ROCK1: variants seen among roughly 807,000 people sequenced by gnomAD.
The protein encoded by ROCK1 is rho-associated protein kinase 1.
Under a neutral mutation model 196.8 loss-of-function variants are expected in ROCK1, and 36 were observed. The ratio of observed to expected loss-of-function variants is 0.18; its 90% CI spans 0.14 to 0.24. ROCK1 has a LOEUF of 0.24. Among genes scored for constraint, ROCK1 ranks in the 10% least tolerant of loss-of-function variants. The pLI is 1.00. For missense variants in ROCK1, 920 were observed against 1,562.0 expected, an observed-to-expected ratio of 0.59 and a Z score of 6.93; for synonymous variants, 443 against 515.9, an observed-to-expected ratio of 0.86 and a Z score of 1.91.
At chr18:21,010,503 G>T (rs559561097) in intron 13 of ROCK1, among the ~76,000 whole-genome samples, 1 of 152,092 alleles carries the variant, frequency 6.6e-6, no homozygotes, top group South Asian at 2.1e-4. Context: ...TTGACCTCTG[G>T]GTTATTTAGA....
chr18:21,110,570 T>C lies in ROCK1; in HGVS notation c.93+248A>G, dbSNP rs538089235. On this transcript the variant is annotated intron_variant, in intron 1 of 32. Coordinates refer to ENST00000399799, the MANE Select transcript of ROCK1 (RefSeq NM_005406.3). ...TGCCTGCAATAGCAGTTTGTAAGTA[T>C]CTTTCGGGTACTCATGAACTGAGTC... Among the ~76,000 whole-genome samples the C allele has an allele frequency of 7.2e-5, 11 of 152,296 alleles. 1 individual carries two copies. The South Asian group carries it at 1.9e-3, about 26-fold the overall frequency.
chr18:20,988,260 G>C lies in ROCK1; in HGVS notation c.2144-1150C>G, dbSNP rs1483202653. Among the ~76,000 whole-genome samples the C allele has an allele frequency of 2.6e-5, 4 of 151,988 alleles. No individual in the cohort carries two copies. In the South Asian group the frequency reaches 8.3e-4, roughly 32 times the overall value. ...TTTGTATTTTTCAGTAGAGATGGGG[G>C]TTTCACCATGTTGCCCAGGCTGGTC... On this transcript the variant is annotated intron_variant, in intron 18 of 32. Transcript: ENST00000399799.
At chr18:21,062,036 G>T (rs1357604739) in intron 2 of ROCK1, among the ~76,000 whole-genome samples, 1 of 152,174 alleles carries the variant, frequency 6.6e-6, no homozygotes, top group Non-Finnish European at 1.5e-5. Context: ...ATAGTTATGT[G>T]TATAGTCACA....
chr18:21,015,064 A>G (rs766971596), intron 13 of ROCK1, among the ~76,000 whole-genome samples: 14 of 152,204 alleles, frequency 9.2e-5, no homozygotes, highest in Non-Finnish European at 1.6e-4. Context: ...TCTTTTAAAA[A>G]TATTTTAAAC....
intron 12 of ROCK1, among the ~76,000 whole-genome samples, chr18:21,019,176 CAG>C (rs2035890643): frequency 2.6e-5 from 4 of 152,074 alleles, no homozygotes; most frequent in African/African-American, 9.7e-5. Flanking sequence ...CTTTTTGAGA[CAG>C]AGTCTTGCTC....
At chr18:21,107,544 G>A (rs1219041934) in intron 1 of ROCK1, among the ~76,000 whole-genome samples, 6 of 152,282 alleles carry the variant, frequency 3.9e-5, no homozygotes, top group African/African-American at 1.2e-4. Context: ...TGTAAAAGGA[G>A]TTTTGTTCCT....
intron 12 of ROCK1, among the ~76,000 whole-genome samples, chr18:21,017,471 T>C (rs1273869388): frequency 6.6e-6 from 1 of 151,474 alleles, no homozygotes; most frequent in Non-Finnish European, 1.5e-5. Context: ...ATTACAGGCA[T>C]GAGCCACCGC....
chr18:20,959,050 A>AT (rs2035285425), intron 29 of ROCK1, among the ~76,000 whole-genome samples: 7 of 58,846 alleles, frequency 1.2e-4, no homozygotes, highest in African/African-American at 7.5e-4. Context: ...AATATATAAT[A>AT]TATATATTAT....
chr18:21,073,308 G>C (rs1167906598), intron 1 of ROCK1, among the ~76,000 whole-genome samples: 1 of 152,068 alleles, frequency 6.6e-6, no homozygotes, highest in Non-Finnish European at 1.5e-5. Context: ...ATTTTACAGT[G>C]ATCTCTAAAG....
At chr18:21,085,884 A>C (rs1366701648) in intron 1 of ROCK1, among the ~76,000 whole-genome samples, 1 of 152,140 alleles carries the variant, frequency 6.6e-6, no homozygotes, top group Non-Finnish European at 1.5e-5. Flanking sequence ...ATTCACGGAT[A>C]ATTTCAAGGA....
chr18:21,099,660 G>A (rs1335247124), intron 1 of ROCK1, among the ~76,000 whole-genome samples: 5 of 152,128 alleles, frequency 3.3e-5, no homozygotes, highest in South Asian at 2.1e-4. Context: ...TGAGAGAATC[G>A]CTTGAGCCCA....
chr18:21,099,541 T>C (rs1374877483), intron 1 of ROCK1, among the ~76,000 whole-genome samples: 2 of 152,144 alleles, frequency 1.3e-5, no homozygotes, highest in Non-Finnish European at 2.9e-5. Context: ...CCTAGGAGTT[T>C]GATCCTGGCC....
intron 4 of ROCK1, among the ~76,000 whole-genome samples, chr18:21,047,962 C>T (rs956121234): frequency 1.3e-5 from 2 of 152,070 alleles, no homozygotes; most frequent in Non-Finnish European, 2.9e-5. Context: ...TTAACTTCCC[C>T]CGTATGACAT....
At position 20,960,129 on chromosome 18, in the gene ROCK1, A is replaced by G; in HGVS notation, c.3423+7T>C. ...TACCAGTTAGAAAATAATTAGGTAT[A>G]TGGTACCTGTTTCTTCCAGCCATAT... On this transcript the variant is annotated splice_region_variant and intron_variant, in intron 28 of 32. Transcript: ENST00000399799. 6.4e-7 allele frequency: 1 copy of G among 1,554,624 alleles called. No homozygotes were observed. The highest frequency in any genetic ancestry group is 8.9e-7 in the Non-Finnish European group (1 of 1,126,342).
At position 21,039,469 on chromosome 18, in the gene ROCK1, T is replaced by G; in HGVS notation, c.1051+3A>C. 1 of 1,597,344 alleles carries G rather than the reference T, an allele frequency of 6.3e-7. No individual in the cohort carries two copies. The highest frequency in any genetic ancestry group is 1.1e-5 in the South Asian group (1 of 88,256). On this transcript the variant is annotated splice_donor_region_variant and intron_variant, in intron 9 of 32. Coordinates refer to ENST00000399799, the MANE Select transcript of ROCK1 (RefSeq NM_005406.3). ...AAAATATGAAAGAAAAAAAAAAACT[T>G]ACTGTCTCGGAGCGTTTCCCAAGCC...
At chr18:21,047,784 C>A (rs1394780746) in intron 4 of ROCK1, among the ~76,000 whole-genome samples, 2 of 149,348 alleles carry the variant, frequency 1.3e-5, no homozygotes, top group African/African-American at 5.0e-5. Flanking sequence ...GGCGACAGAG[C>A]GAGACTCCGT....
chr18:20,991,239 T>A lies in ROCK1; in HGVS notation c.2080A>T (p.Thr694Ser). ...LEQEVNEHKVTKARLTDKHQS... is the reference protein window; with the variant it reads ...LEQEVNEHKVSKARLTDKHQS... ...TGTTTGTCAGTTAAACGAGCTTTGG[T>A]TACTTTGTGTTCATTTACCTCTTGT... The change falls in exon 18 of 33, where the codon ACC becomes TCC. Residue 694 changes from threonine to serine, a missense_variant. Physicochemically the swap from Thr to Ser is moderately conservative, Grantham distance 58. Coordinates refer to ENST00000399799, the MANE Select transcript of ROCK1 (RefSeq NM_005406.3). 6.2e-7 allele frequency: 1 copy of A among 1,613,146 alleles called. No individual in the cohort carries two copies. Among genetic ancestry groups the A allele is most frequent in the Non-Finnish European group, 8.5e-7 (1 of 1,179,412 alleles).
Position 20,961,819 on chromosome 18 carries a change from T to TC in ROCK1, c.3353-1614_3353-1613insG, listed in dbSNP as rs1491449168. ...CTTCTCCCAACATTTTTCTTTTTCC[T>TC]TTTTTTTTTTTTTTTTTTTTGACAT... is the stretch of plus-strand genomic sequence containing the variant. On this transcript the variant is annotated intron_variant, in intron 27 of 32. Coordinates refer to ENST00000399799, the MANE Select transcript of ROCK1 (RefSeq NM_005406.3). Among the ~76,000 whole-genome samples, 186 of 81,470 alleles carry TC rather than the reference T, an allele frequency of 2.3e-3. 1 individual carries two copies. The highest frequency in any genetic ancestry group is 0.012 in the African/African-American group (179 of 15,208). The allele number at this position is 81,470 out of a possible 152,430, so 53.4% of individuals were successfully genotyped here. A position where few individuals can be genotyped will look rare whatever the true frequency, so the allele number is the denominator to read the frequency against.
chr18:21,105,281 T>C (rs551522029), intron 1 of ROCK1, among the ~76,000 whole-genome samples: 33 of 152,312 alleles, frequency 2.2e-4, no homozygotes, highest in African/African-American at 7.7e-4. Context: ...AAAGATTTGC[T>C]GAATGAATAA....
Sources: gnomAD v4.1 joint callset for allele counts (sites outside exome capture counted in the v4.1 genomes callset) on GRCh38, gnomAD v4.1.1 for gene constraint, MANE v1.5 for transcripts, NCBI Gene and HGNC (gene_info 2026-07-23, HGNC 2026-07-21) for gene names.